The following ADAMTS9 variants were observed in gnomAD, a reference collection of about 807,000 sequenced individuals.
ADAMTS9 encodes A disintegrin and metalloproteinase with thrombospondin motifs 9.
Under a neutral mutation model 257.1 loss-of-function variants are expected in ADAMTS9, and 107 were observed. That is an observed-to-expected ratio of 0.42 (90% CI 0.36 to 0.49). The LOEUF (loss-of-function observed/expected upper bound fraction) is 0.49, where lower values mean the gene tolerates loss of function less well. ADAMTS9 is among the 20% of genes least tolerant of loss of function. The probability of loss-of-function intolerance (pLI) is 0.03; values close to 1 mark genes in which losing one functional copy is unlikely to be tolerated. For synonymous variants in ADAMTS9, 982 were observed against 880.9 expected, an observed-to-expected ratio of 1.11 and a Z score of -2.03; for missense variants, 2,353 against 2,469.1, an observed-to-expected ratio of 0.95 and a Z score of 1.00.
chr3:64,542,848 A>G (rs1334298815), intron 32 of ADAMTS9, among the ~76,000 whole-genome samples: 1 of 152,206 alleles, frequency 6.6e-6, no homozygotes, highest in Non-Finnish European at 1.5e-5. Flanking sequence ...GAAAAGATCA[A>G]CAAAATTGAT....
At chr3:64,645,552 T>C (rs1228588008) in intron 11 of ADAMTS9, among the ~76,000 whole-genome samples, 3 of 152,176 alleles carry the variant, frequency 2.0e-5, no homozygotes, top group Non-Finnish European at 2.9e-5. Flanking sequence ...CTGGCAACTC[T>C]ATGAAAAAGA....
At position 64,541,983 on chromosome 3, in the gene ADAMTS9, T is replaced by C. The variant is rs1389494641; in HGVS notation, c.5065-13A>G. The C allele has an allele frequency of 1.2e-6, 2 of 1,613,764 alleles. No homozygotes were observed. Among genetic ancestry groups the C allele is most frequent in the Admixed American group, 3.3e-5 (2 of 59,954 alleles). On this transcript the variant is annotated splice_polypyrimidine_tract_variant and intron_variant, in intron 32 of 39. Transcript: ENST00000498707. Reference sequence around the variant, plus strand: ...AAGACACTGAGCACTGTAAGACAAATGAGAGTCAGCGGTGTGGCTATGGAA... The same window carrying C: ...AAGACACTGAGCACTGTAAGACAAACGAGAGTCAGCGGTGTGGCTATGGAA...
At chr3:64,677,128 C>A (rs1445076694) in intron 3 of ADAMTS9, among the ~76,000 whole-genome samples, 1 of 152,146 alleles carries the variant, frequency 6.6e-6, no homozygotes, top group Non-Finnish European at 1.5e-5. Flanking sequence ...CTCCCATAGG[C>A]CTTTTGCTTG....
rs1700840184 is a variant in ADAMTS9 at position 64,648,046 on chromosome 3, T to A, written c.1606-2A>T. ...GCACCAGAGCCGTCTGCACTGCATC[T>A]GCTCAATTCAATGAAATGGCAATTG... On this transcript the variant is annotated splice_acceptor_variant, in intron 10 of 39. Coordinates refer to ENST00000498707, the MANE Select transcript of ADAMTS9 (RefSeq NM_182920.2). LOFTEE classifies it high-confidence loss of function. 1 of 1,606,492 alleles carries A rather than the reference T, an allele frequency of 6.2e-7. No individual in the cohort carries two copies. Among genetic ancestry groups the A allele is most frequent in the South Asian group, 1.1e-5 (1 of 89,878 alleles).
intron 29 of ADAMTS9, among the ~76,000 whole-genome samples, chr3:64,564,622 G>T (rs2083495550): frequency 6.6e-6 from 1 of 151,742 alleles, no homozygotes; most frequent in African/African-American, 2.4e-5. Flanking sequence ...TGTGTGTGGG[G>T]GGGGCGTTGT....
intron 28 of ADAMTS9, chr3:64,583,713 A>G (rs930333470): frequency 4.6e-5 from 7 of 152,320 alleles, no homozygotes; most frequent in African/African-American, 1.7e-4. Flanking sequence ...AGGTTCTCAG[A>G]AAGTCCTTCA....
intron 16 of ADAMTS9, among the ~76,000 whole-genome samples, chr3:64,625,577 G>A (rs1370033873): frequency 1.3e-5 from 2 of 152,082 alleles, no homozygotes; most frequent in South Asian, 2.1e-4. Flanking sequence ...TTCATTCCAG[G>A]ATTAGGAATT....
intron 8 of ADAMTS9, among the ~76,000 whole-genome samples, chr3:64,651,709 T>A (rs775059541): frequency 2.7e-4 from 41 of 152,164 alleles, no homozygotes; most frequent in Non-Finnish European, 4.1e-4. Context: ...GCAAAGTTTG[T>A]GCACAATAAA....
At chr3:64,523,427 T>A (rs934115960) in intron 38 of ADAMTS9, among the ~76,000 whole-genome samples, 1 of 152,062 alleles carries the variant, frequency 6.6e-6, no homozygotes, top group African/African-American at 2.4e-5. Context: ...TGTGGAATAG[T>A]GGAATAGTTT....
At chr3:64,628,049 A>T (rs893830705) in intron 16 of ADAMTS9, among the ~76,000 whole-genome samples, 3 of 152,024 alleles carry the variant, frequency 2.0e-5, no homozygotes, top group Non-Finnish European at 4.4e-5. Context: ...TTTCACACTC[A>T]GTGGACTGTG....
chr3:64,527,149 A>G (rs553331177), intron 38 of ADAMTS9, among the ~76,000 whole-genome samples: 1 of 152,338 alleles, frequency 6.6e-6, no homozygotes, highest in South Asian at 2.1e-4. Flanking sequence ...GAAAAGAAAT[A>G]TATTAGAAGC....
chr3:64,518,218 T>C (rs974301972), intron 39 of ADAMTS9, among the ~76,000 whole-genome samples: 1 of 152,194 alleles, frequency 6.6e-6, no homozygotes, highest in African/African-American at 2.4e-5. Context: ...GATCTAGCCA[T>C]GCCTGAAGCT....
chr3:64,540,505 T>C (rs1351771766), intron 36 of ADAMTS9, among the ~76,000 whole-genome samples: 2 of 152,188 alleles, frequency 1.3e-5, no homozygotes, highest in African/African-American at 4.8e-5. Flanking sequence ...CTTCTGCACA[T>C]TGACGACTGA....
In ADAMTS9 at chr3:64,606,961, T is replaced by C. The variant is rs374917133; in HGVS notation, c.3473A>G (p.Gln1158Arg). The change falls in exon 23 of 40, where the codon CAG becomes CGG. Residue 1158 changes from glutamine to arginine, a missense_variant and splice_region_variant. Physicochemically the swap from Gln to Arg is conservative, Grantham distance 43 (BLOSUM62 1). Coordinates refer to ENST00000498707, the MANE Select transcript of ADAMTS9 (RefSeq NM_182920.2). ...CTGAGTTGGACAAAGGAAACTTACC[T>C]GGGTATCAGTTGGTCTAGTTGCTGC... ...CNAATRPTDT[Q>R]DCELPSCHPP... 4.4e-5 allele frequency: 71 copies of C among 1,613,598 alleles called. No individual in the cohort carries two copies. Among genetic ancestry groups the C allele is most frequent in the Non-Finnish European group, 5.8e-5 (68 of 1,179,712 alleles).
chr3:64,538,608 T>C (rs551856963), intron 37 of ADAMTS9, among the ~76,000 whole-genome samples: 52 of 152,336 alleles, frequency 3.4e-4, no homozygotes, highest in African/African-American at 1.1e-3. Flanking sequence ...CATCTTGTTT[T>C]TTCTGTCTAA....
intron 28 of ADAMTS9, among the ~76,000 whole-genome samples, chr3:64,586,139 A>C (rs2084146837): frequency 6.6e-6 from 1 of 152,158 alleles, no homozygotes; most frequent in African/African-American, 2.4e-5. Flanking sequence ...AGAGACCACT[A>C]CTGAGCAGTG....
chr3:64,636,715 T>C (rs908837182), intron 12 of ADAMTS9, among the ~76,000 whole-genome samples: 1 of 152,228 alleles, frequency 6.6e-6, no homozygotes, highest in Non-Finnish European at 1.5e-5. Context: ...ATGTGAACTA[T>C]GGGAAATTCA....
intron 4 of ADAMTS9, among the ~76,000 whole-genome samples, chr3:64,657,586 C>T (rs1576168217): frequency 6.6e-6 from 1 of 152,070 alleles, no homozygotes; most frequent in South Asian, 2.1e-4. Flanking sequence ...GATTATCCCA[C>T]CTCAGCCTCC....
At chr3:64,637,817 T>C (rs1700537310) in intron 12 of ADAMTS9, among the ~76,000 whole-genome samples, 1 of 152,202 alleles carries the variant, frequency 6.6e-6, no homozygotes, top group Non-Finnish European at 1.5e-5. Flanking sequence ...GTGGGAGCTG[T>C]ACCAGCCCAT....
Sources: gnomAD v4.1 joint callset for allele counts (sites outside exome capture counted in the v4.1 genomes callset) on GRCh38, gnomAD v4.1.1 for gene constraint, MANE v1.5 for transcripts, NCBI Gene and HGNC (gene_info 2026-07-23, HGNC 2026-07-21) for gene names.